Variants in TRPM3 observed in about 807,000 individuals in gnomAD.
The protein encoded by TRPM3 is long transient receptor potential channel 3.
A neutral mutation model predicts 181.2 loss-of-function variants in TRPM3; 77 were observed. That is an observed-to-expected ratio of 0.42 (90% CI 0.35 to 0.51). The LOEUF is 0.51. Ranked by LOEUF, TRPM3 falls within the 20% of genes least tolerant of loss-of-function variation. The probability of loss-of-function intolerance (pLI) is 0.01; values close to 1 mark genes in which losing one functional copy is unlikely to be tolerated. For synonymous variants in TRPM3, 745 were observed against 796.4 expected, an observed-to-expected ratio of 0.94 and a Z score of 1.09; for missense variants, 1,759 against 2,196.7, an observed-to-expected ratio of 0.80 and a Z score of 3.98.
At chr9:71,093,444 T>C (rs2066569338) in intron 1 of TRPM3, among the ~76,000 whole-genome samples, 2 of 151,766 alleles carry the variant, frequency 1.3e-5, no homozygotes, top group Non-Finnish European at 2.9e-5. Context: ...CAGACACTTC[T>C]CAAAAGAAGA....
chr9:70,769,301 T>C (rs1474999317), intron 7 of TRPM3, among the ~76,000 whole-genome samples: 2 of 152,136 alleles, frequency 1.3e-5, no homozygotes, highest in African/African-American at 4.8e-5. Flanking sequence ...TGCCTCTATA[T>C]CTTCAGCTTG....
intron 1 of TRPM3, among the ~76,000 whole-genome samples, chr9:71,056,634 T>G (rs1333523618): frequency 6.6e-6 from 1 of 151,972 alleles, no homozygotes; most frequent in Non-Finnish European, 1.5e-5. Context: ...CCTAAACCAA[T>G]ATGACTGGTA....
intron 1 of TRPM3, among the ~76,000 whole-genome samples, chr9:70,973,584 C>T (rs575949206): frequency 3.9e-5 from 6 of 152,192 alleles, no homozygotes; most frequent in Admixed American, 3.3e-4. Context: ...CTCATGGGAG[C>T]TGATTGTTAG....
intron 1 of TRPM3, among the ~76,000 whole-genome samples, chr9:71,011,191 T>C (rs941115348): frequency 6.6e-6 from 1 of 152,058 alleles, no homozygotes; most frequent in Non-Finnish European, 1.5e-5. Context: ...GAGAGACTGG[T>C]TAACAGGTAC....
At chr9:70,915,335 T>C (rs1259036572) in intron 1 of TRPM3, among the ~76,000 whole-genome samples, 9 of 152,054 alleles carry the variant, frequency 5.9e-5, no homozygotes, top group Non-Finnish European at 2.9e-5. Flanking sequence ...TCTTACTCTG[T>C]CGCCCAGGCT....
chr9:71,168,056 C>A (rs910138647), intron 1 of TRPM3, among the ~76,000 whole-genome samples: 4 of 152,080 alleles, frequency 2.6e-5, no homozygotes, highest in African/African-American at 9.7e-5. Flanking sequence ...AATGGCTTGC[C>A]AAATTTTTAC....
chr9:71,161,924 G>A (rs1168202431), intron 1 of TRPM3, among the ~76,000 whole-genome samples: 5 of 151,998 alleles, frequency 3.3e-5, no homozygotes, highest in East Asian at 1.9e-4. Flanking sequence ...AATAGCAGCC[G>A]GGTATGGGAG....
intron 6 of TRPM3, among the ~76,000 whole-genome samples, chr9:70,805,459 G>C (rs2090452878): frequency 6.6e-6 from 1 of 150,472 alleles, no homozygotes; most frequent in Admixed American, 6.6e-5. Context: ...GCGTGAACCC[G>C]GGAGGCGGAG....
chr9:71,074,505 C>T (rs1323802805), intron 1 of TRPM3, among the ~76,000 whole-genome samples: 2 of 152,182 alleles, frequency 1.3e-5, no homozygotes, highest in East Asian at 1.9e-4. Flanking sequence ...ACATCCTGCT[C>T]TCTCTTTAGC....
intron 12 of TRPM3, among the ~76,000 whole-genome samples, chr9:70,633,345 A>G (rs1345879904): frequency 6.6e-6 from 1 of 152,202 alleles, no homozygotes; most frequent in Non-Finnish European, 1.5e-5. Context: ...GATGAATTAG[A>G]CAAAACCGGA....
chr9:70,864,536 A>G lies in TRPM3; in HGVS notation c.178-25T>C, dbSNP rs1050673062. On this transcript the variant is annotated intron_variant, in intron 1 of 25. Coordinates refer to ENST00000677713, the MANE Select transcript of TRPM3 (RefSeq NM_001366145.2). ...CCTGAAAAAGAAAACAAAAAAAAAAAAAAAAGAAAAAAGAAAGAAAGGTGA... is the reference window on the plus strand; with the variant it reads ...CCTGAAAAAGAAAACAAAAAAAAAAGAAAAAGAAAAAAGAAAGAAAGGTGA... 1.7e-5 allele frequency: 25 copies of G among 1,455,732 alleles called. 1 individual carries two copies. Among genetic ancestry groups the G allele is most frequent in the Non-Finnish European group, 2.2e-5 (24 of 1,104,666 alleles). 90.2% of individuals were successfully genotyped at this position (1,455,732 alleles called of 1,614,324 possible). A position where few individuals can be genotyped will look rare whatever the true frequency, so the allele number is the denominator to read the frequency against.
chr9:71,372,738 G>T (rs552611058), intron 1 of TRPM3, among the ~76,000 whole-genome samples: 30 of 152,118 alleles, frequency 2.0e-4, no homozygotes, highest in African/African-American at 7.0e-4. Context: ...AAATGTAAAT[G>T]GGCTAAATAC....
At chr9:71,230,060 T>C (rs182488827) in intron 1 of TRPM3, among the ~76,000 whole-genome samples, 5 of 152,274 alleles carry the variant, frequency 3.3e-5, no homozygotes, top group African/African-American at 1.2e-4. Context: ...AAAGAAAATG[T>C]GGTACCTATA....
chr9:71,083,210 T>C (rs139849936), intron 1 of TRPM3, among the ~76,000 whole-genome samples: 151 of 152,204 alleles, frequency 9.9e-4, no homozygotes, highest in African/African-American at 3.4e-3. Context: ...GATGTAATTA[T>C]TTTCAGTCTC....
chr9:71,136,717 C>T (rs1431469849), intron 1 of TRPM3, among the ~76,000 whole-genome samples: 1 of 152,004 alleles, frequency 6.6e-6, no homozygotes, highest in Admixed American at 6.6e-5. Context: ...CTCAGGGAGA[C>T]GTGAGATTTC....
At chr9:70,819,507 C>T (rs906430422) in intron 6 of TRPM3, among the ~76,000 whole-genome samples, 4 of 152,122 alleles carry the variant, frequency 2.6e-5, no homozygotes, top group Non-Finnish European at 4.4e-5. Flanking sequence ...GTGGCTTCAA[C>T]AGATGAGACC....
chr9:70,532,519 A>C lies in TRPM3; in HGVS notation c.*3434T>G, dbSNP rs563077322. The C allele has an allele frequency of 1.1e-4, 17 of 152,332 alleles. No individual in the cohort carries two copies. The South Asian group carries it at 1.2e-3, about 11-fold the overall frequency. The allele number at this position is 152,332 out of a possible 1,614,324, so 9.4% of individuals were successfully genotyped here. A position where few individuals can be genotyped will look rare whatever the true frequency, so the allele number is the denominator to read the frequency against. ...AGAGATAATACAAACTAGTCATGAA[A>C]ATTGTACCCAAGCTTTCCAGCTCCT... On this transcript the variant is annotated 3_prime_UTR_variant, in exon 26 of 26. Transcript: ENST00000677713.
At chr9:70,925,282 G>T (rs956362943) in intron 1 of TRPM3, among the ~76,000 whole-genome samples, 3 of 152,052 alleles carry the variant, frequency 2.0e-5, no homozygotes, top group African/African-American at 7.2e-5. Flanking sequence ...ACCAATCTTT[G>T]CTCAGTATTG....
intron 1 of TRPM3, among the ~76,000 whole-genome samples, chr9:71,034,581 G>C (rs1217657922): frequency 6.6e-6 from 1 of 151,950 alleles, no homozygotes; most frequent in Non-Finnish European, 1.5e-5. Context: ...ATACTTGGGG[G>C]TGGAGGTGGG....
Sources: allele counts gnomAD v4.1 joint callset (sites outside exome capture counted in the v4.1 genomes callset), GRCh38; gene constraint gnomAD v4.1.1; transcripts MANE v1.5; gene names NCBI Gene and HGNC (gene_info 2026-07-23, HGNC 2026-07-21).